Variants in SCN1A observed in about 807,000 individuals in gnomAD.
SCN1A encodes sodium channel protein type 1 subunit alpha.
Under a neutral mutation model 193.7 loss-of-function variants are expected in SCN1A, and 13 were observed. The observed-to-expected ratio is 0.07, with a 90% CI of 0.04 to 0.11. The LOEUF (loss-of-function observed/expected upper bound fraction) is 0.11. Ranked by LOEUF, SCN1A falls within the 10% of genes least tolerant of loss-of-function variation. The probability of loss-of-function intolerance (pLI) is 1.00; values close to 1 mark genes in which losing one functional copy is unlikely to be tolerated. For synonymous variants in SCN1A, 781 were observed against 843.6 expected, an observed-to-expected ratio of 0.93 and a Z score of 1.29; for missense variants, 1,432 against 2,451.1, an observed-to-expected ratio of 0.58 and a Z score of 8.78.
chr2:166,123,223 C>CAAAAAAA lies in SCN1A; in HGVS notation c.-142+3694_-142+3700dup, dbSNP rs57488795. 1.3e-4 allele frequency among the ~76,000 whole-genome samples: 15 copies of CAAAAAAA among 116,412 alleles called. 1 individual carries two copies. Among genetic ancestry groups the CAAAAAAA allele is most frequent in the African/African-American group, 4.1e-4 (12 of 28,964 alleles). The allele number at this position is 116,412 out of a possible 152,430, so 76.4% of individuals were successfully genotyped here. ...AATCACATTCCTACTCATTCATTTG[C>CAAAAAAA]AAAAAAAAAAAAAAAAAAAAAAAAA... On this transcript the variant is annotated intron_variant, in intron 2 of 28. Coordinates refer to ENST00000674923, the MANE Select transcript of SCN1A (RefSeq NM_001165963.4).
chr2:166,039,413 T>TC lies in SCN1A; in HGVS notation c.2589+9_2589+10insG. On this transcript the variant is annotated intron_variant, in intron 17 of 28. Coordinates refer to ENST00000674923, the MANE Select transcript of SCN1A (RefSeq NM_001165963.4). Reference sequence around the variant, plus strand: ...TTTTTGAATTTGGTGCTTTTTTTTTTTTTTTTTACCAATCGAAATGAACGG... The same window carrying TC: ...TTTTTGAATTTGGTGCTTTTTTTTTTCTTTTTTTACCAATCGAAATGAACGG... 1 of 1,609,822 alleles carries TC rather than the reference T, an allele frequency of 6.2e-7. No homozygotes were observed.
rs778952115 is a variant in SCN1A at position 165,992,259 on chromosome 2, G to A, written c.5016C>T (p.Asn1672=). ...ALMMSLPALF[N]IGLLLFLVMF... is the part of the protein sequence containing the mutation. ...TGACTAGGAAGAGTAGGAGGCCGAT[G>A]TTAAACAACGCAGGAAGGGACATCA... Residue 1672 remains asparagine (N), a synonymous_variant, in exon 29 of 29, where the codon AAC becomes AAT. Coordinates refer to ENST00000674923, the MANE Select transcript of SCN1A (RefSeq NM_001165963.4). This position sits in a 1 kb window ranked among gnomAD's most constrained non-coding sequence, Gnocchi z 6.5. 4 of 1,613,904 alleles carry A rather than the reference G, an allele frequency of 2.5e-6. No homozygotes were observed. The highest frequency in any genetic ancestry group is 1.1e-5 in the South Asian group (1 of 91,074).
chr2:166,095,812 T>C (rs1453005326), intron 2 of SCN1A, among the ~76,000 whole-genome samples: 1 of 152,240 alleles, frequency 6.6e-6, no homozygotes, highest in Non-Finnish European at 1.5e-5. Context: ...ACTTAAAATT[T>C]ATATTTAATG....
In SCN1A at chr2:166,039,606, A is replaced by C. The variant is rs1696892038; in HGVS notation, c.2416-10T>G. 1 of 1,610,592 alleles carries C rather than the reference A, an allele frequency of 6.2e-7. No homozygotes were observed. Among genetic ancestry groups the C allele is most frequent in the African/African-American group, 1.3e-5 (1 of 74,852 alleles). On this transcript the variant is annotated splice_polypyrimidine_tract_variant and intron_variant, in intron 16 of 28. Coordinates refer to ENST00000674923, the MANE Select transcript of SCN1A (RefSeq NM_001165963.4). ...AGATCCCAGTGAAAACCTAAGATCA[A>C]AACAAAATTAATCTAATTCCACCAG...
intron 19 of SCN1A, among the ~76,000 whole-genome samples, chr2:166,032,491 T>C (rs1483819877): frequency 1.3e-5 from 2 of 152,068 alleles, no homozygotes; most frequent in Non-Finnish European, 2.9e-5. Flanking sequence ...ATGCCTTACT[T>C]TGATGAACAG....
At chr2:166,134,896 T>C (rs1380901293) in intron 1 of SCN1A, among the ~76,000 whole-genome samples, 1 of 152,138 alleles carries the variant, frequency 6.6e-6, no homozygotes, top group African/African-American at 2.4e-5. Context: ...CATCACAATA[T>C]TTAAAGCATT....
chr2:166,139,514 A>C (rs58563330), intron 1 of SCN1A, among the ~76,000 whole-genome samples: 118,255 of 152,118 alleles, frequency 0.78, 46,602 homozygotes, highest in African/African-American at 0.9. Context: ...GTGACTTGCT[A>C]CTCCTTGCCT....
chr2:166,058,530 A>T (rs2105917509), intron 5 of SCN1A, 40 bp downstream of exon 5: 1 of 1,143,240 alleles, frequency 8.7e-7, no homozygotes, highest in East Asian at 2.4e-5. Flanking sequence ...CTTACAGATC[A>T]TGTACAAATA....
chr2:166,136,095 A>G (rs1691844449), intron 1 of SCN1A, among the ~76,000 whole-genome samples: 2 of 152,206 alleles, frequency 1.3e-5, no homozygotes, highest in African/African-American at 2.4e-5. Context: ...CTCAGAGACT[A>G]AAGTCCTTGT....
chr2:166,031,906 C>G (rs1251139939), intron 19 of SCN1A, among the ~76,000 whole-genome samples: 1 of 152,146 alleles, frequency 6.6e-6, no homozygotes, highest in African/African-American at 2.4e-5. Flanking sequence ...AACCCAGTAT[C>G]TGGCTCCAGA....
intron 1 of SCN1A, among the ~76,000 whole-genome samples, chr2:166,137,366 G>C (rs1219510704): frequency 6.6e-6 from 1 of 152,142 alleles, no homozygotes; most frequent in Non-Finnish European, 1.5e-5. Flanking sequence ...TGGTTTGGCT[G>C]TGTCCCCACT....
chr2:166,114,205 T>A (rs1689604676), intron 2 of SCN1A, among the ~76,000 whole-genome samples: 1 of 152,140 alleles, frequency 6.6e-6, no homozygotes, highest in Non-Finnish European at 1.5e-5. Flanking sequence ...AAATCAGAAA[T>A]TAGTTAAACA....
At position 165,991,526 on chromosome 2, in the gene SCN1A, C is replaced by T; in HGVS notation, c.5749G>A (p.Val1917Ile). ...TTTLKRKQEE[V>I]SAVIIQRAYR... ...GCACGCTGAATAATGACAGCAGATA[C>T]TTCCTCTTGTTTTCGTTTTAAAGTA... The change falls in exon 29 of 29, where the codon GTA becomes ATA. Residue 1917 changes from valine to isoleucine, a missense_variant. This residue lies in a region of SCN1A where 148 missense variants were observed against 160.3 expected (regional missense o/e 0.92). Transcript: ENST00000674923. 1 of 1,613,912 alleles carries T rather than the reference C, an allele frequency of 6.2e-7. No individual in the cohort carries two copies. Among genetic ancestry groups the T allele is most frequent in the Non-Finnish European group, 8.5e-7 (1 of 1,179,912 alleles).
chr2:166,009,351 A>G (rs1692095984), intron 23 of SCN1A: 1 of 163,890 alleles, frequency 6.1e-6, no homozygotes, highest in African/African-American at 2.4e-5. Flanking sequence ...TAAGTACAGT[A>G]TATCATCACA....
intron 21 of SCN1A, among the ~76,000 whole-genome samples, chr2:166,013,441 T>C (rs981076233): frequency 4.0e-5 from 6 of 151,564 alleles, no homozygotes; most frequent in African/African-American, 1.2e-4. Flanking sequence ...CTTTTTTTAA[T>C]TAAACAATGA....
intron 19 of SCN1A, among the ~76,000 whole-genome samples, chr2:166,020,949 A>G (rs1035225678): frequency 6.6e-6 from 1 of 152,220 alleles, no homozygotes; most frequent in Non-Finnish European, 1.5e-5. Flanking sequence ...ATTTTTATAC[A>G]TGTCATTTTT....
Position 166,012,089 on chromosome 2 carries a change from A to G in SCN1A, c.3879+20T>C, listed in dbSNP as rs759042801. 1 of 1,607,960 alleles carries G rather than the reference A, an allele frequency of 6.2e-7. No individual in the cohort carries two copies. The highest frequency in any genetic ancestry group is 8.5e-7 in the Non-Finnish European group (1 of 1,175,544). ...AGACAAGCTACCTTGAACAGAGACA[A>G]AAATATGAACGATACCTACATCAAC... On this transcript the variant is annotated intron_variant, in intron 22 of 28. Transcript: ENST00000674923.
intron 23 of SCN1A, 42 bp from the exon 24 acceptor site, chr2:166,002,795 C>T: frequency 1.3e-6 from 2 of 1,558,698 alleles, no homozygotes; most frequent in Non-Finnish European, 8.7e-7. Context: ...GAATTCTTAT[C>T]TGTTAATAAA....
rs371965221 is a variant in SCN1A at position 166,072,308 on chromosome 2, TA to T, written c.264+1049del. Among the ~76,000 whole-genome samples the T allele has an allele frequency of 8.6e-3, 1,312 of 152,224 alleles. 27 individuals carry two copies. Among genetic ancestry groups the T allele is most frequent in the African/African-American group, 0.03 (1,253 of 41,526 alleles). On this transcript the variant is annotated intron_variant, in intron 4 of 28. Coordinates refer to ENST00000674923, the MANE Select transcript of SCN1A (RefSeq NM_001165963.4). ...TAATTTAAAATCAATGCAATAATCT[TA>T]AAAAAAATTTTATGCTTTTTGTTTT...
Sources: gnomAD v4.1 joint callset for allele counts (sites outside exome capture counted in the v4.1 genomes callset) on GRCh38, gnomAD v4.1.1 for gene constraint, gnomAD v4.1.1 regional missense constraint, Gnocchi (gnomAD v3.1) non-coding constraint, MANE v1.5 for transcripts, NCBI Gene and HGNC (gene_info 2026-07-23, HGNC 2026-07-21) for gene names.